The following MRTFA variants were observed in gnomAD, a reference collection of about 807,000 sequenced individuals.
MRTFA encodes the protein myocardin-related transcription factor A.
A neutral mutation model predicts 83.5 loss-of-function variants in MRTFA; 20 were observed. The ratio of observed to expected loss-of-function variants is 0.24; its 90% CI spans 0.17 to 0.35. The LOEUF (loss-of-function observed/expected upper bound fraction) is 0.35. MRTFA is among the 10% of genes least tolerant of loss of function. The probability of loss-of-function intolerance (pLI) is 1.00; values close to 1 mark genes in which losing one functional copy is unlikely to be tolerated. For synonymous variants in MRTFA, 659 were observed against 541.2 expected (o/e 1.22, Z -3.02); for missense variants, 1,200 against 1,224.7 (o/e 0.98, Z 0.30).
intron 1 of MRTFA, among the ~76,000 whole-genome samples, chr22:40,635,194 C>T (rs2056681757): frequency 6.6e-6 from 1 of 152,214 alleles, no homozygotes; most frequent in Admixed American, 6.5e-5. Flanking sequence ...AGGTTCCCCA[C>T]CCTGCAGTCA....
intron 1 of MRTFA, among the ~76,000 whole-genome samples, chr22:40,632,364 A>G (rs2147454544): frequency 6.6e-6 from 1 of 151,858 alleles, no homozygotes; most frequent in Non-Finnish European, 1.5e-5. Flanking sequence ...GCTCACTGCA[A>G]CCTCCACCTC....
chr22:40,606,103 T>A (rs561237349), intron 1 of MRTFA, among the ~76,000 whole-genome samples: 207 of 152,208 alleles, frequency 1.4e-3, no homozygotes, highest in African/African-American at 3.6e-3. Flanking sequence ...TGAAAGCAAT[T>A]CTAATACTCC....
At chr22:40,615,088 G>T (rs1210655249) in intron 1 of MRTFA, among the ~76,000 whole-genome samples, 1 of 151,826 alleles carries the variant, frequency 6.6e-6, no homozygotes, top group Non-Finnish European at 1.5e-5. Context: ...CAAAGATTTA[G>T]TCCCATGATT....
chr22:40,492,931 A>G (rs2054293948), intron 3 of MRTFA, among the ~76,000 whole-genome samples: 1 of 152,262 alleles, frequency 6.6e-6, no homozygotes, highest in Admixed American at 6.5e-5. Flanking sequence ...ATACAGTTCA[A>G]TACATATTTG....
intron 4 of MRTFA, among the ~76,000 whole-genome samples, chr22:40,455,419 G>A (rs1327062819): frequency 3.9e-5 from 6 of 151,910 alleles, no homozygotes; most frequent in African/African-American, 1.5e-4. Flanking sequence ...GGCTGAGGCG[G>A]GCGGATCACG....
intron 2 of MRTFA, among the ~76,000 whole-genome samples, chr22:40,591,879 C>T (rs1320504609): frequency 6.6e-6 from 1 of 152,052 alleles, no homozygotes; most frequent in Admixed American, 6.5e-5. Context: ...CCATTTCAGC[C>T]CTTGAAAGGA....
In MRTFA at chr22:40,431,464, T is replaced by C. The variant is rs1289615840; in HGVS notation, c.380A>G (p.Lys127Arg). 8 of 1,614,028 alleles carry C rather than the reference T, an allele frequency of 5.0e-6. No homozygotes were observed. ...CTCCGGCCGGGAACGAATCTTCCGT[T>C]TGAGATAGTCCTCTGTCTACAGAAA... The change falls in exon 6 of 15, where the codon AAA (lysine) becomes AGA (arginine). Residue 127 changes from lysine to arginine, a missense_variant. Physicochemically the swap from Lys to Arg is conservative, Grantham distance 26. Transcript: ENST00000355630.
chr22:40,582,690 AC>A, intron 2 of MRTFA, among the ~76,000 whole-genome samples: 1 of 149,600 alleles, frequency 6.7e-6, no homozygotes, highest in African/African-American at 2.4e-5. Flanking sequence ...ACACACACAC[AC>A]ACACCCTTCT....
intron 2 of MRTFA, among the ~76,000 whole-genome samples, chr22:40,590,451 G>A (rs1287639645): frequency 6.6e-6 from 1 of 151,804 alleles, no homozygotes; most frequent in Non-Finnish European, 1.5e-5. Context: ...GGTGGGTCAC[G>A]AGGTTAGGAG....
chr22:40,467,230 T>C (rs746796386), intron 3 of MRTFA, among the ~76,000 whole-genome samples: 2 of 152,210 alleles, frequency 1.3e-5, no homozygotes, highest in African/African-American at 2.4e-5. Context: ...GTATGTGTTG[T>C]TTTATGCACT....
rs547503158 is a variant in MRTFA, at chr22:40,453,037, G to C, written c.307+10184C>G. 3.4e-3 allele frequency among the ~76,000 whole-genome samples: 522 copies of C among 152,232 alleles called. 2 individuals are homozygous for C. The highest frequency in any genetic ancestry group is 5.8e-3 in the Non-Finnish European group (395 of 68,026). ...CTCTACAACAGCAGAAGCGAGACAA[G>C]GATGTTGACACAAATGCAACGTAAA... On this transcript the variant is annotated intron_variant, in intron 4 of 14. Coordinates refer to ENST00000355630, the MANE Select transcript of MRTFA (RefSeq NM_020831.6).
At chr22:40,585,039 C>T (rs551032931) in intron 2 of MRTFA, among the ~76,000 whole-genome samples, 3 of 152,116 alleles carry the variant, frequency 2.0e-5, no homozygotes, top group East Asian at 1.9e-4. Flanking sequence ...GAACAAGACT[C>T]GGTCTCAAAA....
intron 2 of MRTFA, among the ~76,000 whole-genome samples, chr22:40,585,611 G>A (rs569380378): frequency 1.3e-5 from 2 of 152,304 alleles, no homozygotes; most frequent in African/African-American, 4.8e-5. Flanking sequence ...GGGAAAGAAA[G>A]TAATAGTGAA....
At chr22:40,529,955 G>A (rs995733508) in intron 3 of MRTFA, among the ~76,000 whole-genome samples, 1 of 152,300 alleles carries the variant, frequency 6.6e-6, no homozygotes, top group Middle Eastern at 3.4e-3. Flanking sequence ...ATGTGTGGGT[G>A]TGCATACATA....
chr22:40,526,829 G>C (rs2054982895), intron 3 of MRTFA: 1 of 152,196 alleles, frequency 6.6e-6, no homozygotes, highest in Non-Finnish European at 1.5e-5. Context: ...ATTATGAGCA[G>C]TGGCTCACAC....
chr22:40,486,412 G>C (rs193014140), intron 3 of MRTFA, among the ~76,000 whole-genome samples: 234 of 152,296 alleles, frequency 1.5e-3, no homozygotes, highest in African/African-American at 5.2e-3. Context: ...ACTTACTAAA[G>C]AAAGTTCCAG....
chr22:40,452,780 T>C (rs1264405863), intron 4 of MRTFA, among the ~76,000 whole-genome samples: 1 of 130,828 alleles, frequency 7.6e-6, no homozygotes, highest in Non-Finnish European at 1.5e-5. Context: ...CACTCCTGCC[T>C]GGGCAACAGA....
intron 2 of MRTFA, among the ~76,000 whole-genome samples, chr22:40,567,001 A>G (rs978618775): frequency 6.6e-6 from 1 of 152,196 alleles, no homozygotes; most frequent in African/African-American, 2.4e-5. Context: ...CTGTGTCTTA[A>G]TATATCACTG....
chr22:40,472,267 AC>A (rs1209135525), intron 3 of MRTFA, among the ~76,000 whole-genome samples: 6 of 152,184 alleles, frequency 3.9e-5, no homozygotes, highest in Non-Finnish European at 8.8e-5. Context: ...GTCAAGAGCT[AC>A]CCTATGTAAT....
Sources: allele counts gnomAD v4.1 joint callset (sites outside exome capture counted in the v4.1 genomes callset), GRCh38; gene constraint gnomAD v4.1.1; transcripts MANE v1.5; gene names NCBI Gene and HGNC (gene_info 2026-07-23, HGNC 2026-07-21).